GTPBP10: variants seen among roughly 807,000 people sequenced by gnomAD.
GTPBP10 encodes GTP-binding protein 10.
A neutral mutation model predicts 44.8 loss-of-function variants in GTPBP10; 38 were observed. That is an observed-to-expected ratio of 0.85 (90% CI 0.65 to 1.11). The LOEUF (loss-of-function observed/expected upper bound fraction) is 1.11. Ranked by LOEUF, GTPBP10 falls within the 50% of genes most tolerant of loss-of-function variation. The pLI is 0.00. For missense variants in GTPBP10, 462 were observed against 453.7 expected, an observed-to-expected ratio of 1.02 and a Z score of -0.17; for synonymous variants, 152 against 150.6, an observed-to-expected ratio of 1.01 and a Z score of -0.07.
At chr7:90,349,932 T>A (rs949297709) in intron 1 of GTPBP10, among the ~76,000 whole-genome samples, 30 of 151,894 alleles carry the variant, frequency 2.0e-4, no homozygotes, top group Non-Finnish European at 3.1e-4. Flanking sequence ...TTTTTTTTTT[T>A]AAATTATACT....
intron 4 of GTPBP10, among the ~76,000 whole-genome samples, chr7:90,367,153 A>AACT (rs1796150070): frequency 6.6e-6 from 1 of 152,162 alleles, no homozygotes; most frequent in Non-Finnish European, 1.5e-5. Flanking sequence ...TCTGAGAGAC[A>AACT]GTTTCTTGTG....
At chr7:90,347,076 G>GT (rs140150894) in intron 1 of GTPBP10, among the ~76,000 whole-genome samples, 5 of 151,906 alleles carry the variant, frequency 3.3e-5, no homozygotes, top group South Asian at 2.1e-4. Flanking sequence ...TGTTGTGGTG[G>GT]TTTTTTTTCC....
chr7:90,376,570 AT>A (rs1335823035), intron 6 of GTPBP10, among the ~76,000 whole-genome samples: 15 of 152,168 alleles, frequency 9.9e-5, no homozygotes, highest in Admixed American at 7.9e-4. Context: ...AGTATAAACA[AT>A]AATGACCTAC....
chr7:90,346,839 C>T (rs1030445314), intron 1 of GTPBP10, 65 bp downstream of exon 1: 65 of 1,546,668 alleles, frequency 4.2e-5, no homozygotes, highest in Non-Finnish European at 5.4e-5. Flanking sequence ...CTTTGCTCCC[C>T]TGTCTCTCCA....
In GTPBP10 at chr7:90,354,504, G is replaced by C; in HGVS notation, c.274G>C (p.Val92Leu). The change falls in exon 3 of 10, where the codon GTG (valine) becomes CTG (leucine). Residue 92 changes from valine to leucine, a missense_variant. By Grantham distance (32) the Val-to-Leu change is conservative (BLOSUM62 1). Transcript: ENST00000222511. ...CAAAGGAAAAGACTGTGAAATCCCT[G>C]TGCCTGTGGGTATTTCAGTAACTGA... ...GSKGKDCEIPVPVGISVTDEN... is the reference protein window; with the variant it reads ...GSKGKDCEIPLPVGISVTDEN... The C allele has an allele frequency of 6.3e-7, 1 of 1,589,516 alleles. No homozygotes were observed. The highest frequency in any genetic ancestry group is 1.1e-5 in the South Asian group (1 of 87,684).
intron 1 of GTPBP10, among the ~76,000 whole-genome samples, chr7:90,346,993 G>T (rs1309406189): frequency 6.6e-6 from 1 of 152,180 alleles, no homozygotes; most frequent in Non-Finnish European, 1.5e-5. Context: ...GCAGGGGCAG[G>T]GTTTGAAGTT....
chr7:90,368,620 G>A (rs1029817880), intron 4 of GTPBP10, among the ~76,000 whole-genome samples: 7 of 152,058 alleles, frequency 4.6e-5, no homozygotes, highest in Admixed American at 1.3e-4. Flanking sequence ...CGAAGTTCTC[G>A]TGCTGTGGTT....
In GTPBP10 at chr7:90,391,389, G is replaced by A. The variant is rs1204514467; in HGVS notation, c.*6235G>A. 1 of 152,136 alleles carries A rather than the reference G, an allele frequency of 6.6e-6. No individual in the cohort carries two copies. Among genetic ancestry groups the A allele is most frequent in the Admixed American group, 6.5e-5 (1 of 15,282 alleles). The allele number at this position is 152,136 out of a possible 1,614,324, so 9.4% of individuals were successfully genotyped here. Reference sequence around the variant, plus strand: ...TGATAAAGTTCATAAATTAGGCACAGTAAGAGATTAAAAATATTAAATTGG... The same window carrying A: ...TGATAAAGTTCATAAATTAGGCACAATAAGAGATTAAAAATATTAAATTGG... On this transcript the variant is annotated 3_prime_UTR_variant, in exon 10 of 10. Coordinates refer to ENST00000222511, the MANE Select transcript of GTPBP10 (RefSeq NM_033107.4).
intron 6 of GTPBP10, 115 bp downstream of exon 6, chr7:90,374,469 C>T: frequency 1.5e-6 from 1 of 660,814 alleles, no homozygotes; most frequent in Admixed American, 2.7e-5. Flanking sequence ...GAAAAAGTAA[C>T]AAGATTTTGT....
At chr7:90,354,366 C>T in intron 2 of GTPBP10, 92 bp from the exon 3 acceptor site, 3 of 535,822 alleles carry the variant, frequency 5.6e-6, no homozygotes, top group Non-Finnish European at 9.3e-6. Context: ...GAATTGATTG[C>T]TACTCTTCTT....
At chr7:90,370,810 C>G (rs894903867) in intron 4 of GTPBP10, among the ~76,000 whole-genome samples, 2 of 152,134 alleles carry the variant, frequency 1.3e-5, no homozygotes, top group African/African-American at 4.8e-5. Flanking sequence ...TTGAGACCAT[C>G]CTGGCTAATA....
intron 9 of GTPBP10, chr7:90,383,895 T>C (rs1170731414): frequency 6.6e-6 from 1 of 152,212 alleles, no homozygotes; most frequent in East Asian, 1.9e-4. Flanking sequence ...CAGAAGGTCC[T>C]TTCCTCTCAA....
rs1796559291 is a variant in GTPBP10, at chr7:90,388,230, T to C, written c.*3076T>C. The stretch of plus-strand genomic sequence containing the variant: ...AAAATAATTTTGAAACAAAGACTTA[T>C]TTTGAAGTAAGTCTTTTAACATTAT... On this transcript the variant is annotated 3_prime_UTR_variant, in exon 10 of 10. Coordinates refer to ENST00000222511, the MANE Select transcript of GTPBP10 (RefSeq NM_033107.4). The C allele has an allele frequency of 6.6e-6, 1 of 152,230 alleles. No homozygotes were observed. Among genetic ancestry groups the C allele is most frequent in the South Asian group, 2.1e-4 (1 of 4,832 alleles). 9.4% of individuals were successfully genotyped at this position (152,230 alleles called of 1,614,324 possible).
At chr7:90,365,410 C>G (rs1284611203) in intron 4 of GTPBP10, among the ~76,000 whole-genome samples, 3 of 125,616 alleles carry the variant, frequency 2.4e-5, no homozygotes, top group East Asian at 2.5e-4. Flanking sequence ...GAGTCTCGCT[C>G]TGTCACCCAG....
At chr7:90,369,106 T>C (rs1416157238) in intron 4 of GTPBP10, among the ~76,000 whole-genome samples, 1 of 152,220 alleles carries the variant, frequency 6.6e-6, no homozygotes, top group Non-Finnish European at 1.5e-5. Context: ...CCTGTTTGCC[T>C]AGGAATCACC....
intron 4 of GTPBP10, among the ~76,000 whole-genome samples, chr7:90,371,875 T>C (rs1311080098): frequency 6.6e-6 from 1 of 152,110 alleles, no homozygotes; most frequent in East Asian, 1.9e-4. Flanking sequence ...TTTTTTTTCT[T>C]TAATTTCTGT....
chr7:90,368,343 G>A (rs747465539), intron 4 of GTPBP10, among the ~76,000 whole-genome samples: 3 of 152,062 alleles, frequency 2.0e-5, no homozygotes, highest in Admixed American at 6.6e-5. Context: ...GCTAGGTTGG[G>A]GAAGTTCTCC....
At position 90,385,033 on chromosome 7, in the gene GTPBP10, A is replaced by G; in HGVS notation, c.1043A>G (p.Asn348Ser). 2 of 1,614,024 alleles carry G rather than the reference A, an allele frequency of 1.2e-6. No individual in the cohort carries two copies. Among genetic ancestry groups the G allele is most frequent in the Non-Finnish European group, 1.7e-6 (2 of 1,179,934 alleles). The part of the protein sequence containing the change: ...CIRKSLDEQA[N>S]QENDALHKKQ... ...AGAAAGTCACTGGATGAACAGGCCA[A>G]CCAGGAAAATGATGCACTTCATAAG... Residue 348 changes from asparagine (N) to serine (S), a missense_variant, in exon 10 of 10, where the codon AAC becomes AGC. Coordinates refer to ENST00000222511, the MANE Select transcript of GTPBP10 (RefSeq NM_033107.4).
At chr7:90,349,911 C>T (rs1032544007) in intron 1 of GTPBP10, among the ~76,000 whole-genome samples, 2 of 151,776 alleles carry the variant, frequency 1.3e-5, no homozygotes, top group African/African-American at 4.9e-5. Context: ...AAAGCCAAAC[C>T]TATTTCTTCT....
Sources: gnomAD v4.1 joint callset for allele counts (sites outside exome capture counted in the v4.1 genomes callset) on GRCh38, gnomAD v4.1.1 for gene constraint, MANE v1.5 for transcripts, NCBI Gene and HGNC (gene_info 2026-07-23, HGNC 2026-07-21) for gene names.